COL25A1: variants seen among roughly 807,000 people sequenced by gnomAD.
The protein encoded by COL25A1 is collagen type XXV alpha 1 chain, also known as collagen alpha-1(XXV) chain.
Under a neutral mutation model 128.4 loss-of-function variants are expected in COL25A1, and 103 were observed. The observed-to-expected ratio is 0.80, with a 90% CI of 0.68 to 0.94. The LOEUF (loss-of-function observed/expected upper bound fraction) is 0.94, where lower values mean the gene tolerates loss of function less well. COL25A1 is among the 40% of genes least tolerant of loss of function. The pLI, the probability that COL25A1 is intolerant of heterozygous loss-of-function variation, is 0.00. For missense variants in COL25A1, 745 were observed against 840.0 expected (o/e 0.89, Z 1.40); for synonymous variants, 279 against 277.2 (o/e 1.01, Z -0.06).
intron 3 of COL25A1, among the ~76,000 whole-genome samples, chr4:109,259,826 C>G (rs542522592): frequency 6.6e-6 from 1 of 152,300 alleles, no homozygotes; most frequent in South Asian, 2.1e-4. Context: ...ATACCTTCCT[C>G]CGGCATCCCA....
At chr4:109,267,188 A>G (rs562660590) in intron 3 of COL25A1, among the ~76,000 whole-genome samples, 1 of 152,204 alleles carries the variant, frequency 6.6e-6, no homozygotes, top group Non-Finnish European at 1.5e-5. Flanking sequence ...CTGTGGGTTT[A>G]TGAAAAATGA....
intron 3 of COL25A1, among the ~76,000 whole-genome samples, chr4:109,258,629 T>C (rs1416192862): frequency 6.6e-6 from 1 of 152,168 alleles, no homozygotes; most frequent in Non-Finnish European, 1.5e-5. Context: ...TTTGGCCAAA[T>C]ACTGTATAAC....
At chr4:108,959,157 G>A (rs1215958772) in intron 8 of COL25A1, among the ~76,000 whole-genome samples, 1 of 151,956 alleles carries the variant, frequency 6.6e-6, no homozygotes, top group Admixed American at 6.6e-5. Context: ...GGTGTCACTG[G>A]GGATAATCCA....
chr4:108,841,686 T>C lies in COL25A1; in HGVS notation c.1656+9A>G. 1 of 1,609,910 alleles carries C rather than the reference T, an allele frequency of 6.2e-7. No homozygotes were observed. The highest frequency in any genetic ancestry group is 1.1e-5 in the South Asian group (1 of 90,878). On this transcript the variant is annotated intron_variant, in intron 31 of 37. Transcript: ENST00000399132. Reference sequence around the variant, plus strand: ...AGAAATCAAATAATCAAGGGATTTGTTGGATTACCTTTGGTCCAGGAAGTC... The same window carrying C: ...AGAAATCAAATAATCAAGGGATTTGCTGGATTACCTTTGGTCCAGGAAGTC...
At chr4:109,050,262 T>C in intron 3 of COL25A1, 83 bp from the exon 4 acceptor site, 1 of 1,029,736 alleles carries the variant, frequency 9.7e-7, no homozygotes, top group South Asian at 1.6e-5. Context: ...TTTATATATA[T>C]TTTCTCATTG....
chr4:108,838,220 GT>G (rs1272655888), intron 31 of COL25A1: 1 of 1,375,168 alleles, frequency 7.3e-7, no homozygotes, highest in Admixed American at 2.0e-5. Context: ...GCTATTATGG[GT>G]GTTTAAACTG....
chr4:109,200,331 A>C (rs1023834241), intron 3 of COL25A1, among the ~76,000 whole-genome samples: 1 of 152,090 alleles, frequency 6.6e-6, no homozygotes. Context: ...CTCCACTTCC[A>C]TTTTACCTCA....
At chr4:109,278,121 C>T (rs1240158284) in intron 3 of COL25A1, among the ~76,000 whole-genome samples, 3 of 151,192 alleles carry the variant, frequency 2.0e-5, no homozygotes, top group East Asian at 1.9e-4. Context: ...GGCAACAGAG[C>T]GAGACTCCAT....
chr4:109,278,630 TC>T (rs1261115846), intron 3 of COL25A1, among the ~76,000 whole-genome samples: 3 of 152,164 alleles, frequency 2.0e-5, no homozygotes, highest in East Asian at 3.9e-4. Flanking sequence ...GGAAATTGCC[TC>T]CTGTTAATGA....
intron 3 of COL25A1, among the ~76,000 whole-genome samples, chr4:109,069,242 C>A (rs1238709032): frequency 2.0e-5 from 3 of 149,944 alleles, no homozygotes; most frequent in Non-Finnish European, 4.4e-5. Flanking sequence ...GACAGGATCT[C>A]ATTCTGTCAC....
At chr4:109,005,988 G>C (rs929901419) in intron 6 of COL25A1, among the ~76,000 whole-genome samples, 2 of 151,536 alleles carry the variant, frequency 1.3e-5, no homozygotes, top group Admixed American at 6.6e-5. Flanking sequence ...AAATCAAAAG[G>C]GTTGACATTT....
At chr4:108,824,385 A>G (rs1578456824) in intron 34 of COL25A1, among the ~76,000 whole-genome samples, 158 bp from the exon 35 acceptor site, 1 of 152,226 alleles carries the variant, frequency 6.6e-6, no homozygotes, top group Non-Finnish European at 1.5e-5. Context: ...GCTTAGAAAC[A>G]TAAGTTTTCT....
intron 32 of COL25A1, among the ~76,000 whole-genome samples, chr4:108,827,861 A>T (rs1044032483): frequency 5.3e-5 from 8 of 152,042 alleles, no homozygotes; most frequent in Non-Finnish European, 7.4e-5. Flanking sequence ...TTATTCAGGG[A>T]AACCCTTTCT....
At chr4:109,136,313 C>T (rs1443059753) in intron 3 of COL25A1, among the ~76,000 whole-genome samples, 5 of 152,084 alleles carry the variant, frequency 3.3e-5, no homozygotes, top group East Asian at 3.9e-4. Context: ...GCATGAGAAT[C>T]GCTTAAGCCT....
chr4:108,959,409 T>C (rs1471195052), intron 8 of COL25A1, among the ~76,000 whole-genome samples: 1 of 152,108 alleles, frequency 6.6e-6, no homozygotes, highest in East Asian at 1.9e-4. Flanking sequence ...CCTTTGTGAA[T>C]TACTAATTTA....
rs565640204 is a variant in COL25A1, at chr4:108,938,622, C to T, written c.673-779G>A. ...AAAATCTTTTTCCACTTTGGGAGGC[C>T]GAGGTGGGCAGATCACGAGGTCAGG... is the stretch of plus-strand genomic sequence containing the variant. On this transcript the variant is annotated intron_variant, in intron 10 of 37. Transcript: ENST00000399132. Among the ~76,000 whole-genome samples, 32 of 152,170 alleles carry T rather than the reference C, an allele frequency of 2.1e-4. No individual in the cohort carries two copies. In the South Asian group the frequency reaches 5.2e-3, roughly 25 times the overall value.
At chr4:109,162,707 A>G (rs1772694340) in intron 3 of COL25A1, among the ~76,000 whole-genome samples, 1 of 152,158 alleles carries the variant, frequency 6.6e-6, no homozygotes, top group Admixed American at 6.5e-5. Context: ...GTCAAAGTTT[A>G]CTGGACCGTA....
chr4:108,889,780 G>GAAACATC, intron 16 of COL25A1, 47 bp from the exon 17 acceptor site: 1 of 1,559,222 alleles, frequency 6.4e-7, no homozygotes, highest in Non-Finnish European at 8.8e-7. Context: ...ATGGGAATAG[G>GAAACATC]AAACATCACA....
chr4:109,206,878 G>A (rs766719607), intron 3 of COL25A1, among the ~76,000 whole-genome samples: 1 of 152,134 alleles, frequency 6.6e-6, no homozygotes, highest in Non-Finnish European at 1.5e-5. Context: ...ATACATCAGC[G>A]ACCTCTGAGG....
Sources: allele counts gnomAD v4.1 joint callset (sites outside exome capture counted in the v4.1 genomes callset), GRCh38; gene constraint gnomAD v4.1.1; transcripts MANE v1.5; gene names NCBI Gene and HGNC (gene_info 2026-07-23, HGNC 2026-07-21).